The following ST18 variants were observed in gnomAD, a reference collection of about 807,000 sequenced individuals.
The protein encoded by ST18 is ST18 C2H2C-type zinc finger transcription factor.
Under a neutral mutation model 110.0 loss-of-function variants are expected in ST18, and 50 were observed. The observed-to-expected ratio is 0.45, with a 90% confidence interval of 0.36 to 0.58. ST18 has a LOEUF of 0.58. ST18 is among the 20% of genes least tolerant of loss of function. ST18 has a pLI of 0.00. For synonymous variants in ST18, 461 were observed against 452.4 expected, an observed-to-expected ratio of 1.02 and a Z score of -0.24; for missense variants, 1,306 against 1,280.1, an observed-to-expected ratio of 1.02 and a Z score of -0.31.
chr8:52,261,786 C>T (rs2094700885), intron 2 of ST18, among the ~76,000 whole-genome samples: 4 of 152,140 alleles, frequency 2.6e-5, no homozygotes, highest in Admixed American at 2.0e-4. Context: ...TTAACATATC[C>T]CAGGACCGAG....
chr8:52,283,268 T>C (rs1403590295), intron 2 of ST18, among the ~76,000 whole-genome samples: 1 of 152,152 alleles, frequency 6.6e-6, no homozygotes, highest in African/African-American at 2.4e-5. Flanking sequence ...CCCGCCATGA[T>C]GGAGGTGACT....
chr8:52,162,123 A>G (rs1052329886), intron 13 of ST18, among the ~76,000 whole-genome samples: 1 of 152,204 alleles, frequency 6.6e-6, no homozygotes, highest in Non-Finnish European at 1.5e-5. Flanking sequence ...AGGCAGGAGA[A>G]TCACTTGAAC....
intron 10 of ST18, 163 bp downstream of exon 10, chr8:52,171,629 G>C: frequency 1.3e-6 from 1 of 790,792 alleles, no homozygotes; most frequent in Non-Finnish European, 2.1e-6. Context: ...ATAATCTAGA[G>C]AGTGGGGGAA....
intron 2 of ST18, among the ~76,000 whole-genome samples, chr8:52,236,905 T>C (rs1351998245): frequency 6.6e-6 from 1 of 152,168 alleles, no homozygotes; most frequent in Non-Finnish European, 1.5e-5. Context: ...TTATGGATGA[T>C]TGGAGACTGT....
intron 2 of ST18, among the ~76,000 whole-genome samples, chr8:52,384,785 A>AGG (rs1835888986): frequency 1.7e-5 from 1 of 59,780 alleles, no homozygotes; most frequent in Non-Finnish European, 3.3e-5. Context: ...GTGTGTACAC[A>AGG]GGTGTGTGTG....
chr8:52,192,414 T>C (rs1275037417), intron 8 of ST18, among the ~76,000 whole-genome samples: 1 of 152,196 alleles, frequency 6.6e-6, no homozygotes, highest in Non-Finnish European at 1.5e-5. Flanking sequence ...GAAATCCTCA[T>C]GCATCTCCCT....
rs1281357787 is a variant in ST18 at position 52,178,632 on chromosome 8, A to C, written c.277+1490T>G. Among the ~76,000 whole-genome samples the C allele has an allele frequency of 7.7e-5, 10 of 130,502 alleles. 1 individual carries two copies. The highest frequency in any genetic ancestry group is 1.4e-4 in the Admixed American group (2 of 13,880). The allele number at this position is 130,502 out of a possible 152,430, so 85.6% of individuals were successfully genotyped here. ...ACTCCATCAAAAAAAAAAAAAAAAA[A>C]AAAAAAAAAAACCACCAAAAACCAA... On this transcript the variant is annotated intron_variant, in intron 9 of 25. Coordinates refer to ENST00000689386, the MANE Select transcript of ST18 (RefSeq NM_001352837.2).
At position 52,300,629 on chromosome 8, in the gene ST18, G is replaced by C. The variant is rs181343313; in HGVS notation, c.-464-70552C>G. Among the ~76,000 whole-genome samples, 11 of 152,230 alleles carry C rather than the reference G, an allele frequency of 7.2e-5. No individual in the cohort carries two copies. The East Asian group carries it at 1.7e-3, about 24-fold the overall frequency. On this transcript the variant is annotated intron_variant, in intron 2 of 25. Coordinates refer to ENST00000689386, the MANE Select transcript of ST18 (RefSeq NM_001352837.2). The stretch of plus-strand genomic sequence containing the variant: ...ATTTTTTAATAGTTGGGGGGAAATG[G>C]AGAATAATATTTCATGACACATGAA...
chr8:52,364,644 T>G (rs575198702), intron 2 of ST18, among the ~76,000 whole-genome samples: 1 of 152,342 alleles, frequency 6.6e-6, no homozygotes, highest in African/African-American at 2.4e-5. Context: ...TGGAGAGGTA[T>G]CACCCACACA....
chr8:52,238,332 A>G lies in ST18; in HGVS notation c.-464-8255T>C, dbSNP rs1280091505. Among the ~76,000 whole-genome samples the G allele has an allele frequency of 3.3e-5, 5 of 152,220 alleles. No homozygotes were observed. In the East Asian group the frequency reaches 9.6e-4, roughly 29 times the overall value. The stretch of plus-strand genomic sequence containing the variant: ...ACCCAAATGTCTATCAACCAATCAA[A>G]GGAAAAAAAAGGTAGTATATCCAAT... On this transcript the variant is annotated intron_variant, in intron 2 of 25. Coordinates refer to ENST00000689386, the MANE Select transcript of ST18 (RefSeq NM_001352837.2).
chr8:52,133,886 A>C (rs1000418243), intron 19 of ST18, among the ~76,000 whole-genome samples: 1 of 152,026 alleles, frequency 6.6e-6, no homozygotes, highest in Non-Finnish European at 1.5e-5. Context: ...ACATGCCTCC[A>C]TGCCCACCTA....
At chr8:52,272,102 C>T (rs1301054872) in intron 2 of ST18, among the ~76,000 whole-genome samples, 1 of 152,088 alleles carries the variant, frequency 6.6e-6, no homozygotes, top group African/African-American at 2.4e-5. Flanking sequence ...TGTAAAACTC[C>T]TAGAAGAAAA....
intron 2 of ST18, among the ~76,000 whole-genome samples, chr8:52,367,236 T>TCTCACACACACACACACA (rs1554851169): frequency 1.0e-4 from 12 of 120,272 alleles, no homozygotes; most frequent in African/African-American, 3.4e-4. Context: ...GGACCCTGTC[T>TCTCACACACACACACACA]CACACACACA....
At chr8:52,274,446 AG>A in intron 2 of ST18, among the ~76,000 whole-genome samples, 1 of 152,320 alleles carries the variant, frequency 6.6e-6, no homozygotes, top group South Asian at 2.1e-4. Flanking sequence ...TTGAGCAATC[AG>A]TTATTTCTCA....
Position 52,149,945 on chromosome 8 carries a change from T to C in ST18, c.1839A>G (p.Thr613=), listed in dbSNP as rs1563701929. 1.9e-6 allele frequency: 3 copies of C among 1,614,100 alleles called. No homozygotes were observed. Among genetic ancestry groups the C allele is most frequent in the African/African-American group, 1.3e-5 (1 of 75,042 alleles). ...GAEIEVDENG[T]LDLSMKKNRI... ...GATTTTTTTTCATGCTTAAGTCCAA[T>C]GTGCCATTTTCATCCACTTCTATTT... Residue 613 remains threonine (T), a synonymous_variant, in exon 16 of 26, where the codon ACA becomes ACG. Coordinates refer to ENST00000689386, the MANE Select transcript of ST18 (RefSeq NM_001352837.2).
At chr8:52,179,934 A>G (rs1159688727) in intron 9 of ST18, among the ~76,000 whole-genome samples, 188 bp downstream of exon 9, 2 of 152,206 alleles carry the variant, frequency 1.3e-5, no homozygotes, top group South Asian at 2.1e-4. Context: ...TGGACCCTCC[A>G]CAGTTACTGA....
intron 2 of ST18, among the ~76,000 whole-genome samples, chr8:52,363,895 C>A (rs924594548): frequency 7.2e-5 from 11 of 152,106 alleles, no homozygotes; most frequent in Admixed American, 2.6e-4. Flanking sequence ...GTGCTTTAGG[C>A]ATGTCTCTGG....
intron 8 of ST18, among the ~76,000 whole-genome samples, chr8:52,202,147 A>T (rs897091186): frequency 6.6e-6 from 1 of 152,186 alleles, no homozygotes; most frequent in Non-Finnish European, 1.5e-5. Flanking sequence ...AAGTAAAGGG[A>T]TAGAATTAGG....
chr8:52,227,200 C>T (rs569435737), intron 3 of ST18, among the ~76,000 whole-genome samples: 7 of 152,198 alleles, frequency 4.6e-5, no homozygotes, highest in African/African-American at 9.6e-5. Flanking sequence ...AAAAAATACA[C>T]GTATTTTTCT....
Sources: allele counts gnomAD v4.1 joint callset (sites outside exome capture counted in the v4.1 genomes callset), GRCh38; gene constraint gnomAD v4.1.1; transcripts MANE v1.5; gene names NCBI Gene and HGNC (gene_info 2026-07-23, HGNC 2026-07-21).